IGF2BP2: variants seen among roughly 807,000 people sequenced by gnomAD.
IGF2BP2 encodes insulin like growth factor 2 mRNA binding protein 2.
IGF2BP2 carries 17 observed loss-of-function variants against 75.8 expected under a neutral mutation model. The observed-to-expected ratio is 0.22, with a 90% CI of 0.15 to 0.34. The LOEUF (loss-of-function observed/expected upper bound fraction) is 0.34, where lower values mean the gene tolerates loss of function less well. Ranked by LOEUF, IGF2BP2 falls within the 10% of genes least tolerant of loss-of-function variation. IGF2BP2 has a pLI of 1.00. For synonymous variants in IGF2BP2, 288 were observed against 295.6 expected, an observed-to-expected ratio of 0.97 and a Z score of 0.26; for missense variants, 516 against 772.4, an observed-to-expected ratio of 0.67 and a Z score of 3.93.
intron 2 of IGF2BP2, among the ~76,000 whole-genome samples, chr3:185,758,028 A>T (rs899286458): frequency 6.6e-6 from 1 of 152,210 alleles, no homozygotes; most frequent in Non-Finnish European, 1.5e-5. Flanking sequence ...CAAGAACAAT[A>T]ATTGTCTTTT....
chr3:185,736,639 T>C (rs1455307241), intron 2 of IGF2BP2, among the ~76,000 whole-genome samples: 1 of 152,260 alleles, frequency 6.6e-6, no homozygotes, highest in East Asian at 1.9e-4. Context: ...CATCTCTGCA[T>C]CTTGCTCACA....
chr3:185,806,347 T>C (rs1739026266), intron 2 of IGF2BP2, among the ~76,000 whole-genome samples: 1 of 152,112 alleles, frequency 6.6e-6, no homozygotes, highest in South Asian at 2.1e-4. Flanking sequence ...TATAGAAAAT[T>C]ATATTTACCC....
rs1373545864 is a variant in IGF2BP2 at position 185,647,674 on chromosome 3, T to A, written c.1594-536A>T. Among the ~76,000 whole-genome samples, 1 of 152,154 alleles carries A rather than the reference T, an allele frequency of 6.6e-6. No homozygotes were observed. Among genetic ancestry groups the A allele is most frequent in the African/African-American group, 2.4e-5 (1 of 41,436 alleles). On this transcript the variant is annotated intron_variant, in intron 14 of 15. Transcript: ENST00000382199. The surrounding 1 kb of genome is among the most constrained non-coding windows in gnomAD (Gnocchi z 4.9). ...GTTGTCCTCTCTCCCGGCCACTGGA[T>A]CCCACCCCAGGCCCACCTCCATGAA...
At chr3:185,675,727 T>C in intron 8 of IGF2BP2, 64 bp downstream of exon 8, 1 of 1,571,808 alleles carries the variant, frequency 6.4e-7, no homozygotes, top group African/African-American at 1.4e-5. Context: ...ATGAATGAAC[T>C]AGACGTATCG....
intron 2 of IGF2BP2, among the ~76,000 whole-genome samples, chr3:185,814,854 C>T (rs532212691): frequency 2.6e-5 from 4 of 152,064 alleles, no homozygotes; most frequent in Non-Finnish European, 5.9e-5. Flanking sequence ...GACTTTTTCA[C>T]GTGTCAAAGA....
intron 2 of IGF2BP2, among the ~76,000 whole-genome samples, chr3:185,720,891 G>A (rs1726426275): frequency 6.6e-6 from 1 of 152,164 alleles, no homozygotes; most frequent in South Asian, 2.1e-4. Context: ...GAAGGTAGTC[G>A]AAAACAGTCA....
At chr3:185,796,249 A>G (rs918169252) in intron 2 of IGF2BP2, among the ~76,000 whole-genome samples, 2 of 152,252 alleles carry the variant, frequency 1.3e-5, no homozygotes, top group East Asian at 3.9e-4. Flanking sequence ...TATAGAATCT[A>G]GTGTATTCTT....
intron 2 of IGF2BP2, among the ~76,000 whole-genome samples, chr3:185,739,198 G>A (rs535395470): frequency 5.3e-5 from 8 of 152,158 alleles, no homozygotes; most frequent in East Asian, 1.9e-4. Context: ...AAAACAAAAC[G>A]AAACGGCCAT....
chr3:185,670,186 T>G (rs1577900805), intron 10 of IGF2BP2, among the ~76,000 whole-genome samples: 2 of 152,228 alleles, frequency 1.3e-5, no homozygotes, highest in African/African-American at 2.4e-5. Flanking sequence ...AAACACATAT[T>G]TTAGCAAAAT....
intron 2 of IGF2BP2, among the ~76,000 whole-genome samples, chr3:185,718,966 C>G (rs981765498): frequency 6.6e-6 from 1 of 152,168 alleles, no homozygotes; most frequent in African/African-American, 2.4e-5. Flanking sequence ...TGGGAAGCCA[C>G]AGACCCAAAT....
At chr3:185,709,958 C>A (rs1339026311) in intron 2 of IGF2BP2, among the ~76,000 whole-genome samples, 1 of 152,126 alleles carries the variant, frequency 6.6e-6, no homozygotes, top group African/African-American at 2.4e-5. Context: ...TTTCCAAATT[C>A]ATTCAATAAA....
chr3:185,698,555 G>A (rs990957354), intron 2 of IGF2BP2, among the ~76,000 whole-genome samples: 19 of 152,166 alleles, frequency 1.2e-4, no homozygotes, highest in Admixed American at 3.9e-4. Flanking sequence ...CAAGGCTGGA[G>A]TATAGGTGGT....
chr3:185,697,429 T>A (rs889613506), intron 3 of IGF2BP2, among the ~76,000 whole-genome samples: 2 of 151,948 alleles, frequency 1.3e-5, no homozygotes, highest in African/African-American at 4.8e-5. Flanking sequence ...TTTTTTTTTT[T>A]AAAGTAATAA....
chr3:185,756,121 C>T (rs1422038929), intron 2 of IGF2BP2, among the ~76,000 whole-genome samples: 2 of 152,128 alleles, frequency 1.3e-5, no homozygotes, highest in Admixed American at 6.6e-5. Flanking sequence ...TAGTGCCATA[C>T]CCTTACTGAA....
At chr3:185,652,355 T>C (rs1577811407) in intron 12 of IGF2BP2, among the ~76,000 whole-genome samples, 187 bp from the exon 13 acceptor site, 1 of 152,118 alleles carries the variant, frequency 6.6e-6, no homozygotes, top group East Asian at 1.9e-4. Context: ...TAATGCCCAG[T>C]ATCAAATTTG....
intron 2 of IGF2BP2, among the ~76,000 whole-genome samples, chr3:185,810,784 AAC>A (rs1739704389): frequency 3.7e-5 from 2 of 54,028 alleles, no homozygotes; most frequent in South Asian, 5.8e-4. Context: ...AAAAAAAAAC[AAC>A]AAAAAACAAA....
At chr3:185,678,898 A>G (rs1045391393) in intron 7 of IGF2BP2, among the ~76,000 whole-genome samples, 1 of 151,968 alleles carries the variant, frequency 6.6e-6, no homozygotes, top group Non-Finnish European at 1.5e-5. Flanking sequence ...CTCTCGTAAC[A>G]GTTTTGTTTT....
intron 2 of IGF2BP2, among the ~76,000 whole-genome samples, chr3:185,804,762 G>A (rs995335868): frequency 1.3e-5 from 2 of 151,986 alleles, no homozygotes; most frequent in Non-Finnish European, 2.9e-5. Context: ...GGCGGAGGTG[G>A]GCGGATCATG....
chr3:185,645,272 A>T lies in IGF2BP2; in HGVS notation c.*259T>A, dbSNP rs1713315630. ...GAGATCCGAGTGGATGGTGAAGTGG[A>T]TGGCTGAAGCCTGCAGAAGCCCTGG... is the stretch of plus-strand genomic sequence containing the variant. On this transcript the variant is annotated 3_prime_UTR_variant, in exon 16 of 16. Coordinates refer to ENST00000382199, the MANE Select transcript of IGF2BP2 (RefSeq NM_006548.6). This position sits in a 1 kb window ranked among gnomAD's most constrained non-coding sequence, Gnocchi z 4.9. The T allele has an allele frequency of 1.9e-6, 1 of 531,974 alleles. No individual in the cohort carries two copies. Among genetic ancestry groups the T allele is most frequent in the Non-Finnish European group, 3.4e-6 (1 of 297,216 alleles). 33.0% of individuals were successfully genotyped at this position (531,974 alleles called of 1,614,324 possible).
Sources: allele counts gnomAD v4.1 joint callset (sites outside exome capture counted in the v4.1 genomes callset), GRCh38; gene constraint gnomAD v4.1.1; non-coding constraint Gnocchi (gnomAD v3.1); transcripts MANE v1.5; gene names NCBI Gene and HGNC (gene_info 2026-07-23, HGNC 2026-07-21).